The following GRK1 variants were observed in gnomAD, a reference collection of about 807,000 sequenced individuals.
GRK1 encodes the protein rhodopsin kinase GRK1.
GRK1 carries 28 observed loss-of-function variants against 41.7 expected under a neutral mutation model. That is an observed-to-expected ratio of 0.67 (90% CI 0.50 to 0.92). GRK1 has a LOEUF of 0.92. GRK1 is among the 40% of genes least tolerant of loss of function. The pLI is 0.00. For missense variants in GRK1, 703 were observed against 671.2 expected (o/e 1.05, Z -0.52); for synonymous variants, 327 against 286.7 (o/e 1.14, Z -1.42).
At chr13:113,728,907 A>G (rs1668034123) in intron 4 of GRK1, among the ~76,000 whole-genome samples, 1 of 152,130 alleles carries the variant, frequency 6.6e-6, no homozygotes, top group African/African-American at 2.4e-5. Context: ...CAGGTGGGCA[A>G]GCCTTAGCCA....
At chr13:113,733,214 C>A (rs2049950530) in intron 6 of GRK1, 129 bp downstream of exon 6, 4 of 883,506 alleles carry the variant, frequency 4.5e-6, no homozygotes, top group South Asian at 3.6e-5. Flanking sequence ...TCTCCCTCTG[C>A]CCCCAGCAAG....
Position 113,731,492 on chromosome 13 carries a change from G to A in GRK1, c.1194+149G>A. 1 of 1,180,060 alleles carries A rather than the reference G, an allele frequency of 8.5e-7. No homozygotes were observed. Among genetic ancestry groups the A allele is most frequent in the Non-Finnish European group, 1.2e-6 (1 of 855,692 alleles). The allele number at this position is 1,180,060 out of a possible 1,614,324, so 73.1% of individuals were successfully genotyped here. A position where few individuals can be genotyped will look rare whatever the true frequency, so the allele number is the denominator to read the frequency against. The stretch of plus-strand genomic sequence containing the variant: ...GGAGGGCACAGATTCACGTGCTGGG[G>A]TCTTGCTCCTGGGCCATGCTGTTCT... On this transcript the variant is annotated intron_variant, in intron 5 of 6. Transcript: ENST00000335678. The surrounding 1 kb of genome is among the most constrained non-coding windows in gnomAD (Gnocchi z 5.6).
At chr13:113,728,295 GTACCCATGGCGATGAGGAA>G (rs1209820179) in intron 4 of GRK1, among the ~76,000 whole-genome samples, 47 of 110,694 alleles carry the variant, frequency 4.2e-4, no homozygotes, top group South Asian at 1.5e-3. Context: ...GCGATGAGGA[GTACCCATGGCGATGAGGAA>G]TACCCATGGC....
chr13:113,656,373 C>G, the GRK1 span, among the ~76,000 whole-genome samples: 1 of 152,180 alleles, frequency 6.6e-6, no homozygotes, highest in South Asian at 2.1e-4. Context: ...CGGTGCGTGT[C>G]TCCCCAGTGG....
intron 6 of GRK1, among the ~76,000 whole-genome samples, chr13:113,734,003 C>CATGT (rs2049980818): frequency 8.8e-6 from 1 of 113,080 alleles, no homozygotes; most frequent in Non-Finnish European, 1.7e-5. Flanking sequence ...CATGTGTGTG[C>CATGT]GTGTGCGTGC....
At chr13:113,734,014 A>AGG (rs2049981482) in intron 6 of GRK1, among the ~76,000 whole-genome samples, 1 of 97,324 alleles carries the variant, frequency 1.0e-5, no homozygotes, top group South Asian at 3.0e-4. Flanking sequence ...GTGTGCGTGC[A>AGG]TGTGTGTGCG....
upstream of GRK1, among the ~76,000 whole-genome samples, chr13:113,663,513 G>A (rs1320999828): frequency 1.3e-5 from 2 of 152,124 alleles, no homozygotes; most frequent in Non-Finnish European, 2.9e-5. Context: ...ATATAGAAAG[G>A]AGGCAAAGAG....
chr13:113,723,361 G>C (rs1174492600), intron 4 of GRK1, among the ~76,000 whole-genome samples: 1 of 152,060 alleles, frequency 6.6e-6, no homozygotes, highest in Non-Finnish European at 1.5e-5. Context: ...AGTTAATTTA[G>C]AAAGTTTATT....
chr13:113,727,736 A>G (rs1342866650), intron 4 of GRK1, among the ~76,000 whole-genome samples: 1 of 113,714 alleles, frequency 8.8e-6, no homozygotes, highest in Non-Finnish European at 1.8e-5. Context: ...AGGAGTACCC[A>G]TGGCGATGAG....
intron 4 of GRK1, among the ~76,000 whole-genome samples, chr13:113,727,036 A>T (rs1249027297): frequency 6.6e-6 from 1 of 152,202 alleles, no homozygotes; most frequent in Non-Finnish European, 1.5e-5. Flanking sequence ...TGGTCCCAGG[A>T]CATCCGTCAT....
At chr13:113,727,054 C>T (rs138743592) in intron 4 of GRK1, among the ~76,000 whole-genome samples, 3,249 of 152,334 alleles carry the variant, frequency 0.021, 109 homozygotes, top group African/African-American at 0.073. Context: ...CATGGGTCTC[C>T]CAACGGGCCT....
At chr13:113,657,685 A>G in the GRK1 span, among the ~76,000 whole-genome samples, 92,690 of 152,270 alleles carry the variant, frequency 0.61, 28,578 homozygotes, top group African/African-American at 0.72. Flanking sequence ...CCAAGGAATC[A>G]CCGTTGCCAC....
At position 113,735,665 on chromosome 13, in the gene GRK1, G is replaced by A; in HGVS notation, c.*302G>A. On this transcript the variant is annotated 3_prime_UTR_variant, in exon 7 of 7. Coordinates refer to ENST00000335678, the MANE Select transcript of GRK1 (RefSeq NM_002929.3). ...TAAGCCAAAAATCTACAAACTCTTA[G>A]GGAGCCTCCTGCATTGGTGATTGAC... is the stretch of plus-strand genomic sequence containing the variant. 1 of 290,470 alleles carries A rather than the reference G, an allele frequency of 3.4e-6. No homozygotes were observed. The highest frequency in any genetic ancestry group is 6.4e-6 in the Non-Finnish European group (1 of 156,538). 18.0% of individuals were successfully genotyped at this position (290,470 alleles called of 1,614,324 possible). A position where few individuals can be genotyped will look rare whatever the true frequency, so the allele number is the denominator to read the frequency against.
chr13:113,650,442 A>G, the GRK1 span: 4 of 1,613,966 alleles, frequency 2.5e-6, no homozygotes, highest in African/African-American at 4.0e-5. This position sits in a 1 kb window ranked among gnomAD's most constrained non-coding sequence, Gnocchi z 5.0. Context: ...AGTAGTGCAG[A>G]CTGAAGGTGC....
Position 113,669,716 on chromosome 13 carries a change from G to T in GRK1, c.729G>T (p.Met243Ile), listed in dbSNP as rs755270520. 6.2e-7 allele frequency: 1 copy of T among 1,614,010 alleles called. No homozygotes were observed. Among genetic ancestry groups the T allele is most frequent in the Non-Finnish European group, 8.5e-7 (1 of 1,179,886 alleles). The change falls in exon 2 of 7, where the codon ATG (methionine) becomes ATT (isoleucine). Residue 243 changes from methionine (M) to isoleucine (I), a missense_variant. Coordinates refer to ENST00000335678, the MANE Select transcript of GRK1 (RefSeq NM_002929.3). ...CTATGGTGGAGAAGAAGATTCTGATGAAAGTACACAGCAGGTTCATCGTGT... is the reference window on the plus strand; with the variant it reads ...CTATGGTGGAGAAGAAGATTCTGATTAAAGTACACAGCAGGTTCATCGTGT... The part of the protein sequence containing the change: ...QGAMVEKKIL[M>I]KVHSRFIVSL...
At chr13:113,651,532 C>A in the GRK1 span, 3 of 920,996 alleles carry the variant, frequency 3.3e-6, no homozygotes, top group East Asian at 9.3e-5. Context: ...GGTGATGGTT[C>A]GGTGTTTACG....
Position 113,671,366 on chromosome 13 carries a change from C to G in GRK1, c.828-133C>G. 2.9e-6 allele frequency: 2 copies of G among 687,468 alleles called. No individual in the cohort carries two copies. 42.6% of individuals were successfully genotyped at this position (687,468 alleles called of 1,614,324 possible). On this transcript the variant is annotated intron_variant, in intron 2 of 6. Transcript: ENST00000335678. This position sits in a 1 kb window ranked among gnomAD's most constrained non-coding sequence, Gnocchi z 4.1. The stretch of plus-strand genomic sequence containing the variant: ...GGCCTTCGGGTGTCCTCTGCAGGGA[C>G]GTAGGGGGGCCAGGCCTCAAAACGA...
intron 4 of GRK1, among the ~76,000 whole-genome samples, chr13:113,727,693 G>T (rs1177826865): frequency 4.3e-5 from 5 of 116,676 alleles, no homozygotes; most frequent in Admixed American, 8.2e-5. Flanking sequence ...TGGCGATGAG[G>T]ACCCATGGCG....
In GRK1 at chr13:113,731,159, G is replaced by T. The variant is rs1267026870; in HGVS notation, c.1070-60G>T. 6.6e-6 allele frequency: 10 copies of T among 1,516,482 alleles called. No homozygotes were observed. Among genetic ancestry groups the T allele is most frequent in the Non-Finnish European group, 8.8e-6 (10 of 1,132,910 alleles). 93.9% of individuals were successfully genotyped at this position (1,516,482 alleles called of 1,614,324 possible). ...CCAGAGCATCAGTCCTGCGATTCCTGGAGTGCGTGCCCACCATGGAGGTGA... is the reference window on the plus strand; with the variant it reads ...CCAGAGCATCAGTCCTGCGATTCCTTGAGTGCGTGCCCACCATGGAGGTGA... On this transcript the variant is annotated intron_variant, in intron 4 of 6. Transcript: ENST00000335678. This position sits in a 1 kb window ranked among gnomAD's most constrained non-coding sequence, Gnocchi z 5.6.
Sources: gnomAD v4.1 joint callset for allele counts (sites outside exome capture counted in the v4.1 genomes callset) on GRCh38, gnomAD v4.1.1 for gene constraint, Gnocchi (gnomAD v3.1) non-coding constraint, MANE v1.5 for transcripts, NCBI Gene and HGNC (gene_info 2026-07-23, HGNC 2026-07-21) for gene names.